The following UGT3A2 variants were observed in gnomAD, a reference collection of about 807,000 sequenced individuals.
The protein encoded by UGT3A2 is UDP glycosyltransferase family 3 member A2.
Under a neutral mutation model 39.8 loss-of-function variants are expected in UGT3A2, and 32 were observed. That is an observed-to-expected ratio of 0.80 (90% CI 0.61 to 1.08). The LOEUF (loss-of-function observed/expected upper bound fraction) is 1.08, where lower values mean the gene tolerates loss of function less well. Ranked by LOEUF, UGT3A2 falls within the 50% of genes least tolerant of loss-of-function variation. The pLI, the probability that UGT3A2 is intolerant of heterozygous loss-of-function variation, is 0.00. For synonymous variants in UGT3A2, 241 were observed against 230.7 expected (o/e 1.04, Z -0.40); for missense variants, 611 against 637.1 (o/e 0.96, Z 0.44).
chr5:36,051,664 T>C (rs1742345161), intron 3 of UGT3A2, among the ~76,000 whole-genome samples: 1 of 152,186 alleles, frequency 6.6e-6, no homozygotes, highest in Non-Finnish European at 1.5e-5. Context: ...GGGACTTTAC[T>C]GGATGATGTG....
chr5:36,039,887 TG>T lies in UGT3A2; in HGVS notation c.844-180del, dbSNP rs368813621. 6.3e-3 allele frequency among the ~76,000 whole-genome samples: 961 copies of T among 152,326 alleles called. 2 individuals are homozygous for T. Among genetic ancestry groups the T allele is most frequent in the African/African-American group, 0.022 (911 of 41,562 alleles). On this transcript the variant is annotated intron_variant, in intron 4 of 6. Coordinates refer to ENST00000282507, the MANE Select transcript of UGT3A2 (RefSeq NM_174914.4). Reference sequence around the variant, plus strand: ...TGCACTGTGGTCATGTCCTTTGTGTTGGTGGGAACATCTTTCTTCTTGAAAC... The same window carrying T: ...TGCACTGTGGTCATGTCCTTTGTGTTGTGGGAACATCTTTCTTCTTGAAAC...
rs764679469 is a variant in UGT3A2, at chr5:36,049,427, G to GA, written c.312-8dup. ...TAAGTTTTCAAATTTTCCTCTGTAA[G>GA]AAAAAAATGATAATAAATATTCATG... On this transcript the variant is annotated splice_region_variant and splice_polypyrimidine_tract_variant and intron_variant, in intron 3 of 6. Transcript: ENST00000282507. The GA allele has an allele frequency of 5.9e-6, 9 of 1,525,522 alleles. No homozygotes were observed. The East Asian group carries it at 1.6e-4, about 27-fold the overall frequency. 94.5% of individuals were successfully genotyped at this position (1,525,522 alleles called of 1,614,324 possible).
chr5:36,046,602 C>A (rs138611440), intron 4 of UGT3A2, among the ~76,000 whole-genome samples: 2 of 151,726 alleles, frequency 1.3e-5, no homozygotes, highest in South Asian at 2.1e-4. Context: ...TGTTACCAGA[C>A]GCTGGGATGG....
At chr5:36,040,639 C>A (rs1585703) in intron 4 of UGT3A2, among the ~76,000 whole-genome samples, 58,686 of 152,078 alleles carry the variant, frequency 0.39, 13,129 homozygotes, top group Non-Finnish European at 0.5. Flanking sequence ...ATGCAGGGAG[C>A]ATTTAGACCA....
rs1292263402 is a variant in UGT3A2 at position 36,066,801 on chromosome 5, C to A, written c.-12G>T. On this transcript the variant is annotated 5_prime_UTR_variant, in exon 1 of 7. Coordinates refer to ENST00000282507, the MANE Select transcript of UGT3A2 (RefSeq NM_174914.4). ...CGCTGCCCAGCCATGCTCACTTCTACGGAAGCCGCGGATCTCAGCCTGGGC... is the reference window on the plus strand; with the variant it reads ...CGCTGCCCAGCCATGCTCACTTCTAAGGAAGCCGCGGATCTCAGCCTGGGC... The A allele has an allele frequency of 5.0e-6, 8 of 1,614,010 alleles. No homozygotes were observed. Among genetic ancestry groups the A allele is most frequent in the Non-Finnish European group, 6.8e-6 (8 of 1,179,984 alleles).
chr5:36,066,057 C>T (rs1187423881), intron 1 of UGT3A2, among the ~76,000 whole-genome samples: 1 of 152,132 alleles, frequency 6.6e-6, no homozygotes, highest in Non-Finnish European at 1.5e-5. Context: ...CCTCAAATAA[C>T]GGTCAGCGGC....
Position 36,044,027 on chromosome 5 carries a change from C to T in UGT3A2, c.844-4319G>A, listed in dbSNP as rs185485672. Reference sequence around the variant, plus strand: ...CCTTTATACCAAAACCAGACAAATACACATCGGAAAAAGGAAACTACAGGC... The same window carrying T: ...CCTTTATACCAAAACCAGACAAATATACATCGGAAAAAGGAAACTACAGGC... On this transcript the variant is annotated intron_variant, in intron 4 of 6. Coordinates refer to ENST00000282507, the MANE Select transcript of UGT3A2 (RefSeq NM_174914.4). Among the ~76,000 whole-genome samples the T allele has an allele frequency of 2.6e-5, 4 of 152,058 alleles. No individual in the cohort carries two copies. The East Asian group carries it at 7.7e-4, about 29-fold the overall frequency.
intron 4 of UGT3A2, among the ~76,000 whole-genome samples, chr5:36,046,870 T>G (rs1470077238): frequency 1.3e-5 from 2 of 152,212 alleles, no homozygotes; most frequent in Non-Finnish European, 2.9e-5. Context: ...GCTTATATCT[T>G]AAAGTCCCCC....
chr5:36,060,245 A>G (rs1742647352), intron 2 of UGT3A2, among the ~76,000 whole-genome samples: 1 of 152,258 alleles, frequency 6.6e-6, no homozygotes. Context: ...AAATTAATTC[A>G]AAAACAAAAA....
intron 2 of UGT3A2, among the ~76,000 whole-genome samples, chr5:36,057,698 G>T (rs1742558466): frequency 6.6e-6 from 1 of 152,044 alleles, no homozygotes; most frequent in Non-Finnish European, 1.5e-5. Context: ...ACCATGCCCA[G>T]CTAATGTTTT....
chr5:36,035,541 A>T lies in UGT3A2; in HGVS notation c.*157T>A, dbSNP rs1333182374. 5 of 1,091,616 alleles carry T rather than the reference A, an allele frequency of 4.6e-6. No individual in the cohort carries two copies. Among genetic ancestry groups the T allele is most frequent in the Admixed American group, 2.9e-5 (1 of 34,604 alleles). The allele number at this position is 1,091,616 out of a possible 1,614,324, so 67.6% of individuals were successfully genotyped here. ...AGGATGAATTTGTAGCAAAATTAGC[A>T]AGTGGAAAGGATGATTTTTGGCCAT... On this transcript the variant is annotated 3_prime_UTR_variant, in exon 7 of 7. Coordinates refer to ENST00000282507, the MANE Select transcript of UGT3A2 (RefSeq NM_174914.4).
intron 3 of UGT3A2, among the ~76,000 whole-genome samples, chr5:36,049,776 A>G (rs1742283675): frequency 6.6e-6 from 1 of 152,110 alleles, no homozygotes; most frequent in Non-Finnish European, 1.5e-5. Context: ...TCATTTACAC[A>G]TGGAGTTTTT....
chr5:36,039,464 G>C lies in UGT3A2; in HGVS notation c.1075+13C>G, dbSNP rs769579006. 6.2e-7 allele frequency: 1 copy of C among 1,612,280 alleles called. No homozygotes were observed. On this transcript the variant is annotated intron_variant, in intron 5 of 6. Coordinates refer to ENST00000282507, the MANE Select transcript of UGT3A2 (RefSeq NM_174914.4). ...TCAGTGGAAGGAGAGGAGCAGTCCTGGGCAGCCCTTACCCAGGAGGTCACT... is the reference window on the plus strand; with the variant it reads ...TCAGTGGAAGGAGAGGAGCAGTCCTCGGCAGCCCTTACCCAGGAGGTCACT...
intron 4 of UGT3A2, among the ~76,000 whole-genome samples, chr5:36,041,676 C>T (rs1052994794): frequency 6.6e-5 from 10 of 152,224 alleles, no homozygotes; most frequent in Non-Finnish European, 1.5e-4. Context: ...GTCAGCATGA[C>T]TGGGCTTGGA....
chr5:36,047,876 C>T (rs1175393369), intron 4 of UGT3A2, among the ~76,000 whole-genome samples: 1 of 152,160 alleles, frequency 6.6e-6, no homozygotes, highest in East Asian at 1.9e-4. Flanking sequence ...ATGGCCATCT[C>T]AATTACATCT....
At chr5:36,041,657 G>A (rs957916052) in intron 4 of UGT3A2, among the ~76,000 whole-genome samples, 1 of 152,136 alleles carries the variant, frequency 6.6e-6, no homozygotes, top group Non-Finnish European at 1.5e-5. Context: ...CTTCTACAAG[G>A]CTGCAAGAGT....
At position 36,060,559 on chromosome 5, in the gene UGT3A2, A is replaced by G. The variant is rs182715284; in HGVS notation, c.196+3690T>C. On this transcript the variant is annotated intron_variant, in intron 2 of 6. Transcript: ENST00000282507. ...CCAATAAAAAGGGTTGTGGAAGCTC[A>G]GCGGCTGCCTTTGCTCACTAGAAGC... Among the ~76,000 whole-genome samples the G allele has an allele frequency of 3.1e-3, 473 of 152,322 alleles. 1 individual carries two copies. Among genetic ancestry groups the G allele is most frequent in the African/African-American group, 0.011 (452 of 41,572 alleles).
rs1294502976 is a variant in UGT3A2, at chr5:36,053,938, G to C, written c.197-1954C>G. On this transcript the variant is annotated intron_variant, in intron 2 of 6. Transcript: ENST00000282507. ...TACCATCTTCTTTCCTTTATAACAG[G>C]GGTGTCCAATCTATTGGCTTCCCTG... Among the ~76,000 whole-genome samples, 5 of 152,022 alleles carry C rather than the reference G, an allele frequency of 3.3e-5. No individual in the cohort carries two copies. In the East Asian group the frequency reaches 7.7e-4, roughly 23 times the overall value.
chr5:36,040,844 C>T (rs1271121643), intron 4 of UGT3A2, among the ~76,000 whole-genome samples: 1 of 152,150 alleles, frequency 6.6e-6, no homozygotes, highest in Non-Finnish European at 1.5e-5. Context: ...GCTGGTGTCA[C>T]CCCTCCCCCA....
Sources: allele counts gnomAD v4.1 joint callset (sites outside exome capture counted in the v4.1 genomes callset), GRCh38; gene constraint gnomAD v4.1.1; transcripts MANE v1.5; gene names NCBI Gene and HGNC (gene_info 2026-07-23, HGNC 2026-07-21).